Variants in MIS18A observed in about 807,000 individuals in gnomAD.
MIS18A encodes protein Mis18-alpha.
A neutral mutation model predicts 25.0 loss-of-function variants in MIS18A; 14 were observed. That is an observed-to-expected ratio of 0.56 (90% CI 0.37 to 0.88). The LOEUF (loss-of-function observed/expected upper bound fraction) is 0.88, where lower values mean the gene tolerates loss of function less well. MIS18A is among the 40% of genes least tolerant of loss of function. The pLI, the probability that MIS18A is intolerant of heterozygous loss-of-function variation, is 0.00. For missense variants in MIS18A, 292 were observed against 290.8 expected (o/e 1.00, Z -0.03); for synonymous variants, 134 against 118.6 (o/e 1.13, Z -0.84).
At chr21:32,224,151 A>T in the MIS18A span, among the ~76,000 whole-genome samples, 987 of 151,710 alleles carry the variant, frequency 6.5e-3, 13 homozygotes, top group African/African-American at 0.021. Flanking sequence ...GCTATCTATG[A>T]CAAACCCACA....
At chr21:32,170,161 G>A in the MIS18A span, among the ~76,000 whole-genome samples, 20 of 152,126 alleles carry the variant, frequency 1.3e-4, no homozygotes, top group South Asian at 3.9e-3. Flanking sequence ...AAATTACTGG[G>A]TATATACCCA....
At position 32,268,277 on chromosome 21, in the gene MIS18A, G is replaced by A. The variant is rs899122295; in HGVS notation, c.*760C>T. 1 of 152,030 alleles carries A rather than the reference G, an allele frequency of 6.6e-6. No individual in the cohort carries two copies. The highest frequency in any genetic ancestry group is 1.5e-5 in the Non-Finnish European group (1 of 68,008). The allele number at this position is 152,030 out of a possible 1,614,324, so 9.4% of individuals were successfully genotyped here. ...AATTAGAAAAATACATACTACAAAA[G>A]TTTCACATTATAGAAAACAGAAAAA... is the stretch of plus-strand genomic sequence containing the variant. On this transcript the variant is annotated 3_prime_UTR_variant, in exon 5 of 5. Coordinates refer to ENST00000290130, the MANE Select transcript of MIS18A (RefSeq NM_018944.3).
chr21:32,217,759 A>G, the MIS18A span, among the ~76,000 whole-genome samples: 1 of 152,184 alleles, frequency 6.6e-6, no homozygotes, highest in Non-Finnish European at 1.5e-5. Context: ...AAGAATGTTA[A>G]CTTTCTCATC....
chr21:32,184,089 G>T, the MIS18A span, among the ~76,000 whole-genome samples: 1 of 152,160 alleles, frequency 6.6e-6, no homozygotes, highest in East Asian at 1.9e-4. Flanking sequence ...CCTGACTCCT[G>T]TTAAAGTGGC....
chr21:32,169,964 A>G, the MIS18A span, among the ~76,000 whole-genome samples: 1 of 152,208 alleles, frequency 6.6e-6, no homozygotes, highest in African/African-American at 2.4e-5. Context: ...ACAAAAAAGT[A>G]TAAGATATGA....
chr21:32,197,043 A>T, the MIS18A span, among the ~76,000 whole-genome samples: 1 of 152,246 alleles, frequency 6.6e-6, no homozygotes, highest in Non-Finnish European at 1.5e-5. Context: ...ATTAAAAAAA[A>T]ATAAAGACCT....
the MIS18A span, among the ~76,000 whole-genome samples, chr21:32,171,918 C>T: frequency 6.6e-6 from 1 of 152,112 alleles, no homozygotes; most frequent in East Asian, 1.9e-4. Context: ...GGACAAGACT[C>T]CCCTATATTG....
At chr21:32,259,296 G>A in the MIS18A span, among the ~76,000 whole-genome samples, 1 of 152,170 alleles carries the variant, frequency 6.6e-6, no homozygotes, top group African/African-American at 2.4e-5. Context: ...CAGGCCTCTG[G>A]AGGGCATTCT....
the MIS18A span, among the ~76,000 whole-genome samples, chr21:32,258,015 T>C: frequency 2.1e-4 from 32 of 152,188 alleles, no homozygotes; most frequent in Admixed American, 1.2e-3. Context: ...ATAGCATTAA[T>C]ACAGATAGAG....
chr21:32,268,033 T>C (rs2031636444), downstream of MIS18A, among the ~76,000 whole-genome samples: 1 of 152,184 alleles, frequency 6.6e-6, no homozygotes, highest in African/African-American at 2.4e-5. Context: ...GCTGAGTTAC[T>C]CATACCACTG....
At chr21:32,271,685 A>G (rs1413578765) in intron 2 of MIS18A, among the ~76,000 whole-genome samples, 1 of 152,166 alleles carries the variant, frequency 6.6e-6, no homozygotes, top group Non-Finnish European at 1.5e-5. Context: ...GCCTCAAGCA[A>G]TCCTCCACCT....
At chr21:32,206,715 C>T in the MIS18A span, among the ~76,000 whole-genome samples, 5 of 152,148 alleles carry the variant, frequency 3.3e-5, no homozygotes, top group Non-Finnish European at 5.9e-5. Context: ...AAAGTCAAGG[C>T]TCTGAACTGC....
the MIS18A span, among the ~76,000 whole-genome samples, chr21:32,179,874 C>T: frequency 6.6e-6 from 1 of 152,156 alleles, no homozygotes; most frequent in African/African-American, 2.4e-5. Context: ...TGAAACTCTG[C>T]ATACAATGTT....
chr21:32,210,564 C>T, the MIS18A span, among the ~76,000 whole-genome samples: 1 of 152,092 alleles, frequency 6.6e-6, no homozygotes, highest in Non-Finnish European at 1.5e-5. Flanking sequence ...CCCCATTGCC[C>T]CCCATCTGCA....
At chr21:32,187,071 A>C in the MIS18A span, among the ~76,000 whole-genome samples, 108 of 152,232 alleles carry the variant, frequency 7.1e-4, no homozygotes, top group Middle Eastern at 3.4e-3. Context: ...GCAGCCTGAC[A>C]CCGGTGCAGC....
the MIS18A span, among the ~76,000 whole-genome samples, chr21:32,223,407 G>A: frequency 6.6e-6 from 1 of 152,074 alleles, no homozygotes; most frequent in Non-Finnish European, 1.5e-5. Flanking sequence ...AGAAAAGAGA[G>A]AAGAATCAAA....
chr21:32,200,383 T>A, the MIS18A span, among the ~76,000 whole-genome samples: 13 of 152,236 alleles, frequency 8.5e-5, no homozygotes, highest in African/African-American at 3.1e-4. Flanking sequence ...TCTCACTAGC[T>A]TCTGAAGCCA....
At chr21:32,182,193 A>G in the MIS18A span, among the ~76,000 whole-genome samples, 1 of 152,184 alleles carries the variant, frequency 6.6e-6, no homozygotes, top group African/African-American at 2.4e-5. Flanking sequence ...TCTGCTGAGG[A>G]TTCCATGGTC....
chr21:32,180,289 T>C, the MIS18A span, among the ~76,000 whole-genome samples: 2 of 152,184 alleles, frequency 1.3e-5, no homozygotes, highest in Non-Finnish European at 2.9e-5. Flanking sequence ...CTGCTTCTAC[T>C]GAAGCCAAAG....
Sources: allele counts gnomAD v4.1 joint callset (sites outside exome capture counted in the v4.1 genomes callset), GRCh38; gene constraint gnomAD v4.1.1; transcripts MANE v1.5; gene names NCBI Gene and HGNC (gene_info 2026-07-23, HGNC 2026-07-21).